Variants in TMCC1 observed in about 807,000 individuals in gnomAD.
The protein encoded by TMCC1 is transmembrane and coiled-coil domains protein 1.
Under a neutral mutation model 52.4 loss-of-function variants are expected in TMCC1, and 15 were observed. That is an observed-to-expected ratio of 0.29 (90% CI 0.19 to 0.44). The LOEUF is 0.44. Ranked by LOEUF, TMCC1 falls within the 20% of genes least tolerant of loss-of-function variation. The probability of loss-of-function intolerance (pLI) is 1.00; values close to 1 mark genes in which losing one functional copy is unlikely to be tolerated. For synonymous variants in TMCC1, 279 were observed against 301.9 expected (o/e 0.92, Z 0.79); for missense variants, 503 against 806.0 (o/e 0.62, Z 4.55).
At chr3:129,710,328 T>A (rs2048578849) in intron 4 of TMCC1, among the ~76,000 whole-genome samples, 1 of 152,354 alleles carries the variant, frequency 6.6e-6, no homozygotes, top group South Asian at 2.1e-4. Context: ...TCCAAATTTT[T>A]AAGTTTTTTG....
chr3:129,847,573 T>C (rs1321855547), intron 2 of TMCC1: 1 of 152,210 alleles, frequency 6.6e-6, no homozygotes, highest in Non-Finnish European at 1.5e-5. Context: ...ATCCATACAC[T>C]TGATGGATAT....
At chr3:129,759,670 G>GC (rs999547087) in intron 4 of TMCC1, among the ~76,000 whole-genome samples, 20 of 131,070 alleles carry the variant, frequency 1.5e-4, no homozygotes, top group African/African-American at 4.6e-4. Context: ...GCCTCCCAAA[G>GC]CCCCCCGTCT....
chr3:129,776,990 C>G (rs184570527), intron 4 of TMCC1, among the ~76,000 whole-genome samples: 1 of 152,104 alleles, frequency 6.6e-6, no homozygotes, highest in African/African-American at 2.4e-5. Context: ...TGTGGTCAAT[C>G]GAGTCAGGTA....
intron 4 of TMCC1, among the ~76,000 whole-genome samples, chr3:129,691,537 T>C (rs2047027569): frequency 6.6e-6 from 1 of 152,034 alleles, no homozygotes; most frequent in Non-Finnish European, 1.5e-5. Context: ...TCCCAACATT[T>C]TGGGAGGCTG....
At position 129,651,541 on chromosome 3, in the gene TMCC1, G is replaced by T. The variant is rs1266235417; in HGVS notation, c.1902C>A (p.Leu634=). 6.2e-7 allele frequency: 1 copy of T among 1,614,196 alleles called. No homozygotes were observed. The highest frequency in any genetic ancestry group is 8.5e-7 in the Non-Finnish European group (1 of 1,180,034). The part of the protein sequence containing the change: ...TLFLVVFIAF[L]WKHWDALFSY... Reference sequence around the variant, plus strand: ...TGAAGAGGGCGTCCCAGTGCTTCCAGAGAAAGGCAATAAAAACCACAAGGA... The same window carrying T: ...TGAAGAGGGCGTCCCAGTGCTTCCATAGAAAGGCAATAAAAACCACAAGGA... Residue 634 remains leucine (L), a synonymous_variant, in exon 7 of 7, where the codon CTC becomes CTA. Transcript: ENST00000393238. This position sits in a 1 kb window ranked among gnomAD's most constrained non-coding sequence, Gnocchi z 5.1.
intron 4 of TMCC1, among the ~76,000 whole-genome samples, chr3:129,810,861 T>C (rs577759668): frequency 5.3e-4 from 80 of 152,348 alleles, no homozygotes; most frequent in African/African-American, 1.8e-3. Context: ...TTCTTTCACC[T>C]AGAAGAATGT....
chr3:129,653,121 C>T (rs1344632933), intron 6 of TMCC1, among the ~76,000 whole-genome samples: 3 of 152,074 alleles, frequency 2.0e-5, no homozygotes, highest in African/African-American at 7.2e-5. Context: ...CATGTCAATA[C>T]ACAGAATCTA....
chr3:129,892,676 G>A (rs1323257382), intron 1 of TMCC1: 1 of 152,198 alleles, frequency 6.6e-6, no homozygotes, highest in Non-Finnish European at 1.5e-5. Flanking sequence ...GGGGGCCGGG[G>A]GTAGCCAACA....
chr3:129,892,295 G>A (rs899554204), intron 1 of TMCC1, among the ~76,000 whole-genome samples: 7 of 152,210 alleles, frequency 4.6e-5, no homozygotes, highest in African/African-American at 1.7e-4. Context: ...ACTAGCCAGA[G>A]AGTGGGTGAT....
chr3:129,828,409 C>CA lies in TMCC1; in HGVS notation c.-32dup, dbSNP rs1275791100. On this transcript the variant is annotated 5_prime_UTR_variant, in exon 4 of 7. Transcript: ENST00000393238. This position sits in a 1 kb window ranked among gnomAD's most constrained non-coding sequence, Gnocchi z 4.1. Reference sequence around the variant, plus strand: ...GACTTAATATGCTTATTTGCAAACTCAAAAAAATTTTTTAAACACACCAAG... The same window carrying CA: ...GACTTAATATGCTTATTTGCAAACTCAAAAAAAATTTTTTAAACACACCAAG... 1.9e-6 allele frequency: 3 copies of CA among 1,585,688 alleles called. No individual in the cohort carries two copies. The highest frequency in any genetic ancestry group is 2.6e-6 in the Non-Finnish European group (3 of 1,166,862).
intron 2 of TMCC1, among the ~76,000 whole-genome samples, chr3:129,874,856 A>T (rs2061115743): frequency 6.6e-6 from 1 of 152,168 alleles, no homozygotes; most frequent in South Asian, 2.1e-4. Flanking sequence ...CCTATCTCTA[A>T]AAAAATAAAT....
At chr3:129,755,368 G>T (rs2052907141) in intron 4 of TMCC1, among the ~76,000 whole-genome samples, 1 of 151,830 alleles carries the variant, frequency 6.6e-6, no homozygotes, top group Admixed American at 6.6e-5. Context: ...ATTTAAAAAA[G>T]AAAAAAATTG....
rs754504492 is a variant in TMCC1 at position 129,660,952 on chromosome 3, T to C, written c.1512-5849A>G. On this transcript the variant is annotated intron_variant, in intron 5 of 6. Coordinates refer to ENST00000393238, the MANE Select transcript of TMCC1 (RefSeq NM_001017395.5). ...TGCCATTGTGCCCAGCTCAAGTAAATTTTATCTAATTTTTTCAAATCTCCA... is the reference window on the plus strand; with the variant it reads ...TGCCATTGTGCCCAGCTCAAGTAAACTTTATCTAATTTTTTCAAATCTCCA... Among the ~76,000 whole-genome samples, 4 of 152,186 alleles carry C rather than the reference T, an allele frequency of 2.6e-5. No individual in the cohort carries two copies. The South Asian group carries it at 6.2e-4, about 24-fold the overall frequency.
chr3:129,769,474 C>G (rs1576770475), intron 4 of TMCC1, among the ~76,000 whole-genome samples: 1 of 151,714 alleles, frequency 6.6e-6, no homozygotes, highest in African/African-American at 2.4e-5. Context: ...AGGTGATCTG[C>G]CTGCCTCAGC....
chr3:129,711,574 G>A (rs968098125), intron 4 of TMCC1, among the ~76,000 whole-genome samples: 3 of 152,118 alleles, frequency 2.0e-5, no homozygotes, highest in Non-Finnish European at 2.9e-5. Context: ...GCCACGTGCA[G>A]TGGCTCACGC....
chr3:129,721,353 T>G (rs1350616664), intron 4 of TMCC1, among the ~76,000 whole-genome samples: 1 of 152,098 alleles, frequency 6.6e-6, no homozygotes, highest in Non-Finnish European at 1.5e-5. Context: ...TTGTATTTAT[T>G]TATTTTGAGA....
At chr3:129,799,638 A>T (rs1436489120) in intron 4 of TMCC1, among the ~76,000 whole-genome samples, 1 of 152,042 alleles carries the variant, frequency 6.6e-6, no homozygotes, top group Non-Finnish European at 1.5e-5. Context: ...GTGAAACCTC[A>T]TCTCTACTAA....
chr3:129,877,041 T>C (rs1341691070), intron 2 of TMCC1, among the ~76,000 whole-genome samples: 3 of 152,200 alleles, frequency 2.0e-5, no homozygotes, highest in African/African-American at 7.2e-5. Context: ...ATAAAGACAG[T>C]TGTTAATAAT....
chr3:129,658,331 T>C (rs1222974983), intron 5 of TMCC1, among the ~76,000 whole-genome samples: 1 of 152,212 alleles, frequency 6.6e-6, no homozygotes, highest in East Asian at 1.9e-4. Flanking sequence ...AGGAAGGCTG[T>C]TGTTATCCTT....
Sources: allele counts gnomAD v4.1 joint callset (sites outside exome capture counted in the v4.1 genomes callset), GRCh38; gene constraint gnomAD v4.1.1; non-coding constraint Gnocchi (gnomAD v3.1); transcripts MANE v1.5; gene names NCBI Gene and HGNC (gene_info 2026-07-23, HGNC 2026-07-21).